The following UBE2W variants were observed in gnomAD, a reference collection of about 807,000 sequenced individuals.
The protein encoded by UBE2W is ubiquitin-conjugating enzyme E2 W.
Under a neutral mutation model 27.2 loss-of-function variants are expected in UBE2W, and 18 were observed. The ratio of observed to expected loss-of-function variants is 0.66; its 90% CI spans 0.46 to 0.98. The LOEUF (loss-of-function observed/expected upper bound fraction) is 0.98, where lower values mean the gene tolerates loss of function less well. UBE2W is among the 50% of genes least tolerant of loss of function. The probability of loss-of-function intolerance (pLI) is 0.00; values close to 1 mark genes in which losing one functional copy is unlikely to be tolerated. For synonymous variants in UBE2W, 53 were observed against 57.2 expected (o/e 0.93, Z 0.33); for missense variants, 90 against 180.2 (o/e 0.50, Z 2.87).
chr8:73,804,412 T>C (rs1808782405), intron 5 of UBE2W, among the ~76,000 whole-genome samples: 1 of 152,126 alleles, frequency 6.6e-6, no homozygotes, highest in Non-Finnish European at 1.5e-5. Context: ...TTGTTTTTAA[T>C]TTCAAATAAC....
downstream of UBE2W, among the ~76,000 whole-genome samples, chr8:73,781,622 T>TG (rs1287781950): frequency 2.9e-5 from 4 of 140,036 alleles, no homozygotes; most frequent in South Asian, 2.2e-4. Context: ...GGTTTGGGTT[T>TG]TTTTTTTTTT....
intron 1 of UBE2W, among the ~76,000 whole-genome samples, chr8:73,835,499 T>C (rs1249924135): frequency 2.6e-5 from 4 of 152,152 alleles, no homozygotes; most frequent in Non-Finnish European, 5.9e-5. Flanking sequence ...TCCCAGTACT[T>C]TGGGAGGCCG....
chr8:73,821,645 G>A (rs1483524397), intron 3 of UBE2W, among the ~76,000 whole-genome samples: 1 of 151,424 alleles, frequency 6.6e-6, no homozygotes, highest in Non-Finnish European at 1.5e-5. Context: ...TTGGCACCGT[G>A]AAAGGATGTA....
At chr8:73,822,417 T>TA (rs1243990266) in intron 3 of UBE2W, among the ~76,000 whole-genome samples, 6 of 151,802 alleles carry the variant, frequency 4.0e-5, no homozygotes, top group Admixed American at 3.9e-4. Context: ...GAGAGCTCAC[T>TA]AAAATGCTAA....
intron 1 of UBE2W, among the ~76,000 whole-genome samples, chr8:73,846,525 T>C (rs1212976019): frequency 6.6e-6 from 1 of 152,238 alleles, no homozygotes; most frequent in Non-Finnish European, 1.5e-5. Context: ...CTAAAATATG[T>C]GAATACTTAA....
chr8:73,830,437 A>G lies in UBE2W; in HGVS notation c.51T>C (p.Asn17=), dbSNP rs1810024709. The change falls in exon 2 of 6, where the codon AAT becomes AAC. Residue 17 remains asparagine, a synonymous_variant. Transcript: ENST00000602593. ...TTAAGGTCATTCCAGGAGGTGGGTC[A>G]TTTTGCAAAGCCAACAGTTCTTTCT... ...RLQKELLALQ[N]DPPPGMTLNE... The G allele has an allele frequency of 5.0e-6, 8 of 1,613,932 alleles. No individual in the cohort carries two copies. The highest frequency in any genetic ancestry group is 6.8e-6 in the Non-Finnish European group (8 of 1,179,828).
rs866623296 is a variant in UBE2W, at chr8:73,786,879, A to G, written c.*7223T>C. ...GGGAATGTCATTAAATTATAACAGG[A>G]TAAAAGAAATATGTTTTCATTGAGG... On this transcript the variant is annotated 3_prime_UTR_variant, in exon 6 of 6. Transcript: ENST00000602593. The G allele has an allele frequency of 1.0e-6, 1 of 985,404 alleles. No individual in the cohort carries two copies. The highest frequency in any genetic ancestry group is 1.2e-6 in the Non-Finnish European group (1 of 829,886). 61.0% of individuals were successfully genotyped at this position (985,404 alleles called of 1,614,324 possible).
chr8:73,817,948 C>T (rs1240909109), intron 3 of UBE2W, among the ~76,000 whole-genome samples: 2 of 152,182 alleles, frequency 1.3e-5, no homozygotes, highest in Admixed American at 6.5e-5. Flanking sequence ...CTGCTGTAAT[C>T]CCCCATGTAT....
At chr8:73,830,224 T>A (rs1056975684) in intron 2 of UBE2W, among the ~76,000 whole-genome samples, 157 bp downstream of exon 2, 1 of 152,154 alleles carries the variant, frequency 6.6e-6, no homozygotes, top group Non-Finnish European at 1.5e-5. Context: ...ACAAAATTGA[T>A]TATATATATA....
intron 1 of UBE2W, among the ~76,000 whole-genome samples, chr8:73,833,001 G>A (rs1405708904): frequency 6.6e-6 from 1 of 151,922 alleles, no homozygotes; most frequent in African/African-American, 2.4e-5. Flanking sequence ...CAGCCTGGCC[G>A]ATATGGTGAA....
chr8:73,870,404 AGAC>A, intron 1 of UBE2W: 1 of 1,102,936 alleles, frequency 9.1e-7, no homozygotes, highest in Non-Finnish European at 1.3e-6. Flanking sequence ...AAAAAAAAAA[AGAC>A]AAAAGCATCT....
intron 1 of UBE2W, among the ~76,000 whole-genome samples, chr8:73,837,933 C>CT (rs146957427): frequency 0.024 from 3,672 of 152,020 alleles, 155 homozygotes; most frequent in African/African-American, 0.084. Flanking sequence ...AGGCTGTTTC[C>CT]TTTTTTTTAT....
Position 73,791,195 on chromosome 8 carries a change from T to TA in UBE2W, c.*2906dup, listed in dbSNP as rs1246283287. 3.1e-6 allele frequency: 3 copies of TA among 982,922 alleles called. No homozygotes were observed. Among genetic ancestry groups the TA allele is most frequent in the East Asian group, 1.1e-4 (1 of 8,794 alleles). The allele number at this position is 982,922 out of a possible 1,614,324, so 60.9% of individuals were successfully genotyped here. A position where few individuals can be genotyped will look rare whatever the true frequency, so the allele number is the denominator to read the frequency against. On this transcript the variant is annotated 3_prime_UTR_variant, in exon 6 of 6. Coordinates refer to ENST00000602593, the MANE Select transcript of UBE2W (RefSeq NM_018299.6). ...TTAAGAGAACCATAAAATGTATTTT[T>TA]AAAAAATTCTCTTAAAAACTGAAAA...
chr8:73,842,528 CAAAAAAAAAAAAAAAA>C (rs759063478), intron 1 of UBE2W, among the ~76,000 whole-genome samples: 8 of 9,678 alleles, frequency 8.3e-4, no homozygotes, highest in African/African-American at 2.2e-3. Context: ...GACTCCGTCT[CAAAAAAAAAAAAAAAA>C]AAAAAAAAAA....
chr8:73,843,241 A>C lies in UBE2W; in HGVS notation c.16-12769T>G, dbSNP rs563560565. The stretch of plus-strand genomic sequence containing the variant: ...TTTTGGGCATGATAAAGATGTTCTA[A>C]AGTCAGATTAAGGGTATGGTTGCAC... On this transcript the variant is annotated intron_variant, in intron 1 of 5. Transcript: ENST00000602593. Among the ~76,000 whole-genome samples, 47 of 152,312 alleles carry C rather than the reference A, an allele frequency of 3.1e-4. No homozygotes were observed. The East Asian group carries it at 4.0e-3, about 13-fold the overall frequency.
intron 3 of UBE2W, among the ~76,000 whole-genome samples, chr8:73,812,644 A>AC (rs1374148287): frequency 7.2e-5 from 11 of 152,186 alleles, no homozygotes; most frequent in Admixed American, 7.2e-4. Flanking sequence ...AAGCCATTTG[A>AC]CCAGTAGGAT....
At chr8:73,816,299 A>G (rs1276218969) in intron 3 of UBE2W, among the ~76,000 whole-genome samples, 1 of 152,234 alleles carries the variant, frequency 6.6e-6, no homozygotes, top group Non-Finnish European at 1.5e-5. Flanking sequence ...TTCAGTGAAT[A>G]GGGTTCACTG....
intron 1 of UBE2W, among the ~76,000 whole-genome samples, chr8:73,866,147 T>C (rs1412196686): frequency 6.6e-6 from 1 of 151,368 alleles, no homozygotes; most frequent in Non-Finnish European, 1.5e-5. Context: ...AGCGCGTGCC[T>C]GTAATCCCAG....
chr8:73,804,785 G>A (rs1462918680), intron 5 of UBE2W, among the ~76,000 whole-genome samples: 1 of 151,680 alleles, frequency 6.6e-6, no homozygotes, highest in Non-Finnish European at 1.5e-5. Context: ...GGCTGGAGTA[G>A]AGTAGCGTGA....
Sources: gnomAD v4.1 joint callset for allele counts (sites outside exome capture counted in the v4.1 genomes callset) on GRCh38, gnomAD v4.1.1 for gene constraint, MANE v1.5 for transcripts, NCBI Gene and HGNC (gene_info 2026-07-23, HGNC 2026-07-21) for gene names.